The following OTOG variants were observed in gnomAD, a reference collection of about 807,000 sequenced individuals.
OTOG encodes the protein otogelin.
In OTOG, 296 loss-of-function variants were observed where a neutral mutation model predicts 313.8. The ratio of observed to expected loss-of-function variants is 0.94; its 90% CI spans 0.86 to 1.04. The LOEUF is 1.04. Ranked by LOEUF, OTOG falls within the 50% of genes least tolerant of loss-of-function variation. The pLI, the probability that OTOG is intolerant of heterozygous loss-of-function variation, is 0.00. For synonymous variants in OTOG, 1,533 were observed against 1,554.9 expected (o/e 0.99, Z 0.33); for missense variants, 3,948 against 3,840.1 (o/e 1.03, Z -0.74).
At chr11:17,559,683 G>T (rs1180384320) in intron 12 of OTOG, 21 bp downstream of exon 12, 1 of 1,550,200 alleles carries the variant, frequency 6.5e-7, no homozygotes, top group South Asian at 1.2e-5. Flanking sequence ...GGCAGACGTA[G>T]GTGCCTGGCA....
chr11:17,561,054 G>A (rs911884902), intron 13 of OTOG, 37 bp from the exon 14 acceptor site: 2 of 1,549,880 alleles, frequency 1.3e-6, no homozygotes, highest in Non-Finnish European at 8.7e-7. Flanking sequence ...CAGGCCTGGA[G>A]GGGTGACCTC....
intron 54 of OTOG, among the ~76,000 whole-genome samples, chr11:17,644,941 G>T (rs565357595): frequency 8.5e-5 from 13 of 152,284 alleles, no homozygotes; most frequent in Non-Finnish European, 1.8e-4. Flanking sequence ...GCTAAAGGAG[G>T]TGAGGGCGTG....
At chr11:17,613,863 T>C (rs973217583) in intron 39 of OTOG, among the ~76,000 whole-genome samples, 162 bp downstream of exon 39, 5 of 151,746 alleles carry the variant, frequency 3.3e-5, no homozygotes, top group Non-Finnish European at 5.9e-5. Context: ...TATTTGGAAG[T>C]GATTATAATT....
rs1307508152 is a variant in OTOG, at chr11:17,596,131, G to A, written c.3502G>A (p.Val1168Met). The A allele has an allele frequency of 1.9e-6, 3 of 1,550,520 alleles. No homozygotes were observed. In the South Asian group the frequency reaches 3.6e-5, roughly 18 times the overall value. ...KKECSILLSE[V>M]FEICHPVVDV... is the part of the protein sequence containing the mutation. ...GGAGTGCAGCATCCTGCTCAGTGAG[G>A]TGTTTGAGATCTGCCACCCTGTGGT... Residue 1168 changes from valine to methionine, a missense_variant, in exon 29 of 56, where the codon GTG becomes ATG. Physicochemically the swap from Val to Met is conservative, Grantham distance 21. Coordinates refer to ENST00000399397, the MANE Select transcript of OTOG (RefSeq NM_001292063.2).
In OTOG at chr11:17,594,069, G is replaced by A. The variant is rs888541055; in HGVS notation, c.3311G>A (p.Gly1104Glu). The change falls in exon 28 of 56, where the codon GGG becomes GAG. Residue 1104 changes from glycine to glutamate, a missense_variant. Gly to Glu is a moderately conservative substitution (Grantham distance 98, BLOSUM62 -2). Transcript: ENST00000399397. ...QWQGQLAGLCGNFDLKTINEM... is the reference protein window; with the variant it reads ...QWQGQLAGLCENFDLKTINEM... The stretch of plus-strand genomic sequence containing the variant: ...CAGGGCCAGCTGGCGGGCCTCTGTG[G>A]GAACTTTGACTTAAAAACCATCAAT... 2.3e-5 allele frequency: 35 copies of A among 1,550,470 alleles called. No individual in the cohort carries two copies. The highest frequency in any genetic ancestry group is 2.8e-5 in the Non-Finnish European group (32 of 1,147,010).
At chr11:17,550,394 T>A (rs769476518) in intron 3 of OTOG, among the ~76,000 whole-genome samples, 17 of 152,262 alleles carry the variant, frequency 1.1e-4, no homozygotes, top group Admixed American at 7.8e-4. Flanking sequence ...CTTTATTTTA[T>A]GTTTTTAAAA....
Position 17,610,402 on chromosome 11 carries a change from G to C in OTOG, c.5102G>C (p.Gly1701Ala). The C allele has an allele frequency of 6.4e-7, 1 of 1,550,526 alleles. No individual in the cohort carries two copies. The highest frequency in any genetic ancestry group is 2.0e-5 in the Admixed American group (1 of 50,992). Reference protein sequence around the residue: ...SSPSTPLTVAGTAAEQVPVSP... With the variant: ...SSPSTPLTVAATAAEQVPVSP... ...CCCAGCACCCCTCTAACTGTGGCTGGAACAGCAGCAGAACAGGTTCCTGTC... is the reference window on the plus strand; with the variant it reads ...CCCAGCACCCCTCTAACTGTGGCTGCAACAGCAGCAGAACAGGTTCCTGTC... The change falls in exon 36 of 56, where the codon GGA becomes GCA. Residue 1701 changes from glycine (G) to alanine (A), a missense_variant. By Grantham distance (60) the Gly-to-Ala change is moderately conservative (BLOSUM62 0). Transcript: ENST00000399397.
chr11:17,589,098 G>C (rs554388132), intron 24 of OTOG, among the ~76,000 whole-genome samples: 1 of 152,078 alleles, frequency 6.6e-6, no homozygotes, highest in South Asian at 2.1e-4. Flanking sequence ...CACAACCCTG[G>C]TGACATCCAC....
intron 47 of OTOG, 27 bp from the exon 48 acceptor site, chr11:17,638,424 G>A (rs978707428): frequency 5.9e-6 from 9 of 1,521,978 alleles, no homozygotes; most frequent in African/African-American, 1.4e-5. Flanking sequence ...TGTGACTGAC[G>A]TGTCAACTGC....
At position 17,547,356 on chromosome 11, in the gene OTOG, G is replaced by A. The variant is rs898466502; in HGVS notation, c.-17G>A. ...GGCTGGCCCTGCGCTCAAGTCCTCC[G>A]GTCCCCTCGTGTCCCTATGGGAGTC... On this transcript the variant is annotated 5_prime_UTR_variant, in exon 1 of 56. Transcript: ENST00000399397. 40 of 1,336,724 alleles carry A rather than the reference G, an allele frequency of 3.0e-5. No individual in the cohort carries two copies. The East Asian group carries it at 3.0e-4, about 10-fold the overall frequency. 82.8% of individuals were successfully genotyped at this position (1,336,724 alleles called of 1,614,324 possible).
rs1284762645 is a variant in OTOG, at chr11:17,610,365, A to G, written c.5065A>G (p.Ser1689Gly). Residue 1689 changes from serine (S) to glycine (G), a missense_variant, in exon 36 of 56, where the codon AGT becomes GGT. By Grantham distance (56) the Ser-to-Gly change is moderately conservative. Coordinates refer to ENST00000399397, the MANE Select transcript of OTOG (RefSeq NM_001292063.2). ...TGVPQPTQAQ[S>G]ASSPSTPLTV... Reference sequence around the variant, plus strand: ...GGTCCCCCAGCCCACCCAGGCCCAGAGTGCTTCAAGTCCCAGCACCCCTCT... The same window carrying G: ...GGTCCCCCAGCCCACCCAGGCCCAGGGTGCTTCAAGTCCCAGCACCCCTCT... 3 of 1,550,608 alleles carry G rather than the reference A, an allele frequency of 1.9e-6. No individual in the cohort carries two copies. Among genetic ancestry groups the G allele is most frequent in the African/African-American group, 2.7e-5 (2 of 73,158 alleles).
At chr11:17,631,018 A>G (rs966683969) in intron 40 of OTOG, among the ~76,000 whole-genome samples, 3 of 152,318 alleles carry the variant, frequency 2.0e-5, no homozygotes, top group East Asian at 3.9e-4. Context: ...CCATGTCAAC[A>G]TGAGTTTCCA....
At chr11:17,631,058 T>C (rs1854109240) in intron 40 of OTOG, among the ~76,000 whole-genome samples, 1 of 152,044 alleles carries the variant, frequency 6.6e-6, no homozygotes, top group Non-Finnish European at 1.5e-5. Context: ...AGGTGGGAAG[T>C]TTTTATGAAC....
chr11:17,593,839 T>G, intron 27 of OTOG, 83 bp downstream of exon 27: 1 of 1,493,734 alleles, frequency 6.7e-7, no homozygotes, highest in South Asian at 1.3e-5. Context: ...GTACCCTCCC[T>G]GAGGAGCCAA....
In OTOG at chr11:17,591,567, A is replaced by C. The variant is rs780631894; in HGVS notation, c.2985A>C (p.Ala995=). The stretch of plus-strand genomic sequence containing the variant: ...GGCTCCCGTTTGACTTCGTGGGGGC[A>C]TGCAAAGTGCACCTGGTCAAGGTGA... ...FDGLPFDFVG[A]CKVHLVKSTS... is the part of the protein sequence containing the mutation. Residue 995 remains alanine, a synonymous_variant, in exon 25 of 56, where the codon GCA becomes GCC. Coordinates refer to ENST00000399397, the MANE Select transcript of OTOG (RefSeq NM_001292063.2). 10 of 1,550,646 alleles carry C rather than the reference A, an allele frequency of 6.4e-6. No homozygotes were observed. The highest frequency in any genetic ancestry group is 8.7e-6 in the Non-Finnish European group (10 of 1,147,018).
intron 36 of OTOG, 21 bp downstream of exon 36, chr11:17,611,444 C>G: frequency 6.7e-7 from 1 of 1,494,922 alleles, no homozygotes; most frequent in South Asian, 1.3e-5. Context: ...TGCCAGGGTT[C>G]TGGCCACCCG....
chr11:17,606,064 G>T lies in OTOG; in HGVS notation c.4085G>T (p.Gly1362Val), dbSNP rs1191570842. The change falls in exon 33 of 56, where the codon GGC becomes GTC. Residue 1362 changes from glycine (G) to valine (V), a missense_variant. By Grantham distance (109) the Gly-to-Val change is moderately radical. Coordinates refer to ENST00000399397, the MANE Select transcript of OTOG (RefSeq NM_001292063.2). ...CCCAGCTCCTTCCTCTATGTGTCGG[G>T]CGCGGTGCTGGCCCTGCGGCTGTAC... The part of the protein sequence containing the change: ...AKPSSFLYVS[G>V]AVLALRLYEH... 7 of 1,550,360 alleles carry T rather than the reference G, an allele frequency of 4.5e-6. No individual in the cohort carries two copies. In the South Asian group the frequency reaches 7.1e-5, roughly 16 times the overall value.
intron 7 of OTOG, 44 bp downstream of exon 7, chr11:17,555,941 CTGG>C: frequency 3.5e-6 from 5 of 1,440,636 alleles, no homozygotes; most frequent in Non-Finnish European, 4.8e-6. Context: ...ATCCCTGACA[CTGG>C]TGGTGGTGGA....
intron 51 of OTOG, 116 bp downstream of exon 51, chr11:17,641,207 A>G (rs569578427): frequency 1.7e-6 from 2 of 1,160,520 alleles, no homozygotes; most frequent in South Asian, 3.1e-5. Context: ...AGGACAAGTC[A>G]GAGGGGCCCT....
Sources: allele counts gnomAD v4.1 joint callset (sites outside exome capture counted in the v4.1 genomes callset), GRCh38; gene constraint gnomAD v4.1.1; transcripts MANE v1.5; gene names NCBI Gene and HGNC (gene_info 2026-07-23, HGNC 2026-07-21).